Variants in CSMD1 observed in about 807,000 individuals in gnomAD.
CSMD1 encodes CUB and sushi domain-containing protein 1.
In CSMD1, 213 loss-of-function variants were observed where a neutral mutation model predicts 417.5. That is an observed-to-expected ratio of 0.51 (90% CI 0.46 to 0.57). The LOEUF is 0.57. Among genes scored for constraint, CSMD1 ranks in the 20% least tolerant of loss-of-function variants. The probability of loss-of-function intolerance (pLI) is 0.00; values close to 1 mark genes in which losing one functional copy is unlikely to be tolerated. For synonymous variants in CSMD1, 2,862 were observed against 1,736.8 expected (o/e 1.65, Z -16.11); for missense variants, 6,923 against 4,529.7 (o/e 1.53, Z -15.17).
intron 3 of CSMD1, 83 bp downstream of exon 3, chr8:4,419,870 A>C (rs929675627): frequency 3.2e-6 from 3 of 942,548 alleles, no homozygotes; most frequent in African/African-American, 3.3e-5. Context: ...ATAGCAGCCT[A>C]GTTTGTCATT....
At chr8:4,237,716 T>C (rs1445205174) in intron 3 of CSMD1, among the ~76,000 whole-genome samples, 2 of 152,270 alleles carry the variant, frequency 1.3e-5, no homozygotes, top group East Asian at 3.9e-4. Flanking sequence ...TTTTGCTATG[T>C]TGACCAGGCT....
intron 6 of CSMD1, among the ~76,000 whole-genome samples, chr8:3,742,976 A>G (rs544947159): frequency 6.6e-6 from 1 of 152,274 alleles, no homozygotes; most frequent in African/African-American, 2.4e-5. Context: ...CAGACTACAC[A>G]ACTAGTGGAA....
rs146078279 is a variant in CSMD1, at chr8:4,639,501, T to A, written c.86-1943A>T. 2.0e-4 allele frequency among the ~76,000 whole-genome samples: 30 copies of A among 152,294 alleles called. 1 individual carries two copies. The East Asian group carries it at 5.8e-3, about 29-fold the overall frequency. On this transcript the variant is annotated intron_variant, in intron 1 of 69. Transcript: ENST00000635120. ...TGTCTGAGGTTAGCTGTTAAGTAGC[T>A]CGCAAAAACTGTCTATGTTTCTTAC...
At chr8:3,560,000 GA>G (rs1292132156) in intron 10 of CSMD1, among the ~76,000 whole-genome samples, 1 of 152,100 alleles carries the variant, frequency 6.6e-6, no homozygotes, top group Non-Finnish European at 1.5e-5. Context: ...CTAACAAGAT[GA>G]GTGGCCAGCG....
At chr8:3,788,166 G>A (rs372666081) in intron 5 of CSMD1, among the ~76,000 whole-genome samples, 2 of 152,128 alleles carry the variant, frequency 1.3e-5, no homozygotes, top group South Asian at 2.1e-4. Flanking sequence ...GTAAAACAAG[G>A]GATTCATGTG....
In CSMD1 at chr8:4,144,721, T is replaced by C. The variant is rs1023733096; in HGVS notation, c.416-112622A>G. On this transcript the variant is annotated intron_variant, in intron 3 of 69. Coordinates refer to ENST00000635120, the MANE Select transcript of CSMD1 (RefSeq NM_033225.6). ...TCGGCAAAGAGTGGAGATTTCCTCA[T>C]TGACCTCTTCCAACTTTCTAGAGAC... Among the ~76,000 whole-genome samples, 12 of 151,108 alleles carry C rather than the reference T, an allele frequency of 7.9e-5. 2 individuals carry two copies. Among genetic ancestry groups the C allele is most frequent in the African/African-American group, 2.7e-4 (11 of 40,440 alleles).
intron 3 of CSMD1, among the ~76,000 whole-genome samples, chr8:4,184,946 T>A (rs1798578404): frequency 6.6e-6 from 1 of 151,512 alleles, no homozygotes; most frequent in African/African-American, 2.4e-5. Flanking sequence ...AAGACCAGCC[T>A]CCCCAATGTG....
chr8:4,641,992 G>T (rs890983627), intron 1 of CSMD1, among the ~76,000 whole-genome samples: 6 of 152,150 alleles, frequency 3.9e-5, no homozygotes, highest in African/African-American at 1.4e-4. Flanking sequence ...TGGCATGCAA[G>T]ATGTGAACAA....
At chr8:3,778,774 T>C (rs555532989) in intron 5 of CSMD1, among the ~76,000 whole-genome samples, 1 of 152,340 alleles carries the variant, frequency 6.6e-6, no homozygotes, top group Admixed American at 6.5e-5. Context: ...TGATTGGGTA[T>C]CATGGAGCCT....
At chr8:4,338,577 C>T (rs931754344) in intron 3 of CSMD1, among the ~76,000 whole-genome samples, 2 of 152,022 alleles carry the variant, frequency 1.3e-5, no homozygotes, top group African/African-American at 4.8e-5. Context: ...TTGATAACAC[C>T]TCTGACATAC....
chr8:4,702,287 G>A (rs189467197), intron 1 of CSMD1, among the ~76,000 whole-genome samples: 45 of 152,292 alleles, frequency 3.0e-4, no homozygotes, highest in Admixed American at 1.4e-3. Context: ...TCAACAGGTT[G>A]CCTTGCTTCT....
rs567506809 is a variant in CSMD1, at chr8:4,670,141, A to G, written c.86-32583T>C. 3.3e-5 allele frequency among the ~76,000 whole-genome samples: 5 copies of G among 152,270 alleles called. No individual in the cohort carries two copies. The East Asian group carries it at 7.7e-4, about 24-fold the overall frequency. On this transcript the variant is annotated intron_variant, in intron 1 of 69. Transcript: ENST00000635120. ...CTGATTAGGGTAGGGTTAGAAATATAGTTTTTCATCTCCTACACTCACATT... is the reference window on the plus strand; with the variant it reads ...CTGATTAGGGTAGGGTTAGAAATATGGTTTTTCATCTCCTACACTCACATT...
At chr8:4,414,947 C>A (rs1000444536) in intron 3 of CSMD1, among the ~76,000 whole-genome samples, 1 of 152,066 alleles carries the variant, frequency 6.6e-6, no homozygotes. Flanking sequence ...CTTCTCCCTG[C>A]ATTTATTTTG....
At chr8:3,390,316 T>C (rs561587696) in intron 17 of CSMD1, among the ~76,000 whole-genome samples, 8 of 137,844 alleles carry the variant, frequency 5.8e-5, no homozygotes, top group African/African-American at 1.9e-4. Flanking sequence ...GGTTGTGCCG[T>C]TGCATTCCAG....
chr8:3,989,657 T>C (rs961484886), intron 5 of CSMD1, among the ~76,000 whole-genome samples: 5 of 152,250 alleles, frequency 3.3e-5, no homozygotes, highest in East Asian at 1.9e-4. Context: ...ATGATGTATA[T>C]GTTTATTAAG....
At chr8:3,502,117 C>G (rs558423013) in intron 10 of CSMD1, among the ~76,000 whole-genome samples, 1 of 152,276 alleles carries the variant, frequency 6.6e-6, no homozygotes, top group Admixed American at 6.5e-5. Context: ...CAAATCCCAG[C>G]ACTTTGGAAG....
intron 3 of CSMD1, among the ~76,000 whole-genome samples, chr8:4,342,716 A>T (rs1312286837): frequency 6.6e-6 from 1 of 152,088 alleles, no homozygotes; most frequent in Non-Finnish European, 1.5e-5. Context: ...AGGTTAGCAA[A>T]GGGAGAACAT....
At chr8:3,089,641 A>C (rs1814794136) in intron 48 of CSMD1, among the ~76,000 whole-genome samples, 1 of 152,302 alleles carries the variant, frequency 6.6e-6, no homozygotes, top group East Asian at 1.9e-4. Context: ...AAAATTACTG[A>C]TGCTGACCTA....
chr8:4,598,064 A>G (rs1366696416), intron 2 of CSMD1, among the ~76,000 whole-genome samples: 1 of 152,096 alleles, frequency 6.6e-6, no homozygotes, highest in Admixed American at 6.6e-5. Context: ...CTTTAATTAG[A>G]TGCAAAAATC....
Sources: allele counts gnomAD v4.1 joint callset (sites outside exome capture counted in the v4.1 genomes callset), GRCh38; gene constraint gnomAD v4.1.1; transcripts MANE v1.5; gene names NCBI Gene and HGNC (gene_info 2026-07-23, HGNC 2026-07-21).